Variants in PRDM6 observed in about 807,000 individuals in gnomAD.
PRDM6 encodes PR/SET domain 6, also known as putative histone-lysine N-methyltransferase PRDM6.
PRDM6 carries 25 observed loss-of-function variants against 60.8 expected under a neutral mutation model. That is an observed-to-expected ratio of 0.41 (90% CI 0.30 to 0.57). The LOEUF (loss-of-function observed/expected upper bound fraction) is 0.57. PRDM6 is among the 20% of genes least tolerant of loss of function. The pLI is 0.27. For synonymous variants in PRDM6, 407 were observed against 357.4 expected (o/e 1.14, Z -1.57); for missense variants, 839 against 821.3 (o/e 1.02, Z -0.26).
intron 3 of PRDM6, 114 bp downstream of exon 3, chr5:123,100,075 C>G: frequency 8.8e-7 from 1 of 1,134,854 alleles, no homozygotes; most frequent in Non-Finnish European, 1.2e-6. Context: ...GAGAGCCTCC[C>G]TTGGCCCCCA....
intron 5 of PRDM6, 95 bp downstream of exon 5, chr5:123,159,733 T>A (rs1765585386): frequency 1.7e-6 from 2 of 1,211,888 alleles, no homozygotes; most frequent in Non-Finnish European, 2.3e-6. Context: ...GAAACGTGGT[T>A]CACTGTAATA....
chr5:123,126,053 T>C (rs1325803558), intron 3 of PRDM6, among the ~76,000 whole-genome samples: 1 of 152,192 alleles, frequency 6.6e-6, no homozygotes, highest in East Asian at 1.9e-4. Context: ...AGTTCATTCA[T>C]GGATGAACAG....
Position 123,116,162 on chromosome 5 carries a change from C to T in PRDM6, c.900+16201C>T, listed in dbSNP as rs186580027. On this transcript the variant is annotated intron_variant, in intron 3 of 7. Transcript: ENST00000407847. ...CTGCTTGCTCAGTTCCTCTGAAGGT[C>T]GGGTGGAGCTGGCTCTTTTGACCCA... Among the ~76,000 whole-genome samples the T allele has an allele frequency of 5.4e-3, 816 of 152,264 alleles. 2 individuals are homozygous for T. The highest frequency in any genetic ancestry group is 8.9e-3 in the Non-Finnish European group (608 of 68,032).
chr5:123,141,477 G>T (rs1765099600), intron 3 of PRDM6, among the ~76,000 whole-genome samples: 2 of 152,014 alleles, frequency 1.3e-5, no homozygotes, highest in South Asian at 4.1e-4. Context: ...TTTTGTAATT[G>T]TATGTCAGGC....
intron 3 of PRDM6, among the ~76,000 whole-genome samples, chr5:123,115,905 A>G (rs1764430320): frequency 6.6e-6 from 1 of 152,132 alleles, no homozygotes; most frequent in African/African-American, 2.4e-5. Flanking sequence ...TATCCTGAGC[A>G]TATTGGATCA....
chr5:123,170,364 G>A (rs927617564), intron 5 of PRDM6, among the ~76,000 whole-genome samples: 3 of 152,156 alleles, frequency 2.0e-5, no homozygotes, highest in Non-Finnish European at 2.9e-5. Context: ...AGCTGAATCC[G>A]TTTTCTCTGC....
Position 123,139,925 on chromosome 5 carries a change from G to C in PRDM6, c.901-15959G>C, listed in dbSNP as rs139836839. Among the ~76,000 whole-genome samples, 758 of 152,120 alleles carry C rather than the reference G, an allele frequency of 5.0e-3. 7 individuals are homozygous for C. The highest frequency in any genetic ancestry group is 0.013 in the African/African-American group (526 of 41,522). On this transcript the variant is annotated intron_variant, in intron 3 of 7. Transcript: ENST00000407847. The stretch of plus-strand genomic sequence containing the variant: ...GATGCTGCAGGAAGGGCTTCTGTTT[G>C]ATATAAATGTTTTTATGATTTGTTT...
chr5:123,112,818 G>A (rs1157786783), intron 3 of PRDM6, among the ~76,000 whole-genome samples: 2 of 49,678 alleles, frequency 4.0e-5, no homozygotes, highest in Non-Finnish European at 8.0e-5. Flanking sequence ...TTGCTATGCT[G>A]TATTCTTCTT....
intron 7 of PRDM6, among the ~76,000 whole-genome samples, chr5:123,186,631 A>G (rs1766295012): frequency 6.6e-6 from 1 of 152,194 alleles, no homozygotes; most frequent in African/African-American, 2.4e-5. Context: ...TAGTTTCCAA[A>G]TTCCAAGATG....
At chr5:123,090,993 C>T (rs955042825) in intron 2 of PRDM6, among the ~76,000 whole-genome samples, 1 of 152,170 alleles carries the variant, frequency 6.6e-6, no homozygotes, top group Non-Finnish European at 1.5e-5. Flanking sequence ...GGGTCAGGCC[C>T]TGCCTGGCCT....
At chr5:123,091,985 A>G (rs912444878) in intron 2 of PRDM6, among the ~76,000 whole-genome samples, 11 of 152,262 alleles carry the variant, frequency 7.2e-5, no homozygotes, top group East Asian at 3.9e-4. Flanking sequence ...AGGTCTATGA[A>G]TATTTTCATT....
At chr5:123,127,676 C>CTTCT (rs894555304) in intron 3 of PRDM6, among the ~76,000 whole-genome samples, 2 of 151,976 alleles carry the variant, frequency 1.3e-5, no homozygotes, top group Non-Finnish European at 2.9e-5. Flanking sequence ...TAAGGGATTT[C>CTTCT]TTCTTTCTTT....
intron 3 of PRDM6, among the ~76,000 whole-genome samples, chr5:123,102,518 A>G (rs1417701971): frequency 2.0e-5 from 3 of 152,188 alleles, no homozygotes; most frequent in Non-Finnish European, 2.9e-5. Context: ...TTGTAGGTCT[A>G]TCGGAAATGT....
chr5:123,113,237 A>G (rs530579735), intron 3 of PRDM6, among the ~76,000 whole-genome samples: 4 of 152,326 alleles, frequency 2.6e-5, no homozygotes, highest in South Asian at 4.1e-4. Context: ...TGTACAGTCT[A>G]TGGATTTTGA....
intron 6 of PRDM6, among the ~76,000 whole-genome samples, chr5:123,174,294 A>G (rs962566663): frequency 1.3e-5 from 2 of 152,220 alleles, no homozygotes; most frequent in African/African-American, 4.8e-5. Flanking sequence ...ATTGATTCCA[A>G]AGATCAGCTG....
At chr5:123,159,404 G>A in intron 4 of PRDM6, 110 bp from the exon 5 acceptor site, 1 of 1,227,768 alleles carries the variant, frequency 8.1e-7, no homozygotes, top group South Asian at 1.6e-5. Context: ...ATTACAAACA[G>A]AAACTGTTTA....
chr5:123,139,226 A>G (rs1174119824), intron 3 of PRDM6, among the ~76,000 whole-genome samples: 1 of 152,234 alleles, frequency 6.6e-6, no homozygotes, highest in African/African-American at 2.4e-5. Flanking sequence ...AAACAGACTA[A>G]TATAGTACAC....
chr5:123,178,505 G>T (rs796857056), intron 6 of PRDM6, among the ~76,000 whole-genome samples: 1 of 152,242 alleles, frequency 6.6e-6, no homozygotes, highest in African/African-American at 2.4e-5. Context: ...GTTTTCAAAG[G>T]ATTATTTTAT....
intron 3 of PRDM6, among the ~76,000 whole-genome samples, chr5:123,116,943 C>G (rs1303367990): frequency 6.6e-6 from 1 of 152,210 alleles, no homozygotes; most frequent in Admixed American, 6.5e-5. Context: ...CTCTGTCTCC[C>G]AGCCAGTAAT....
Sources: gnomAD v4.1 joint callset for allele counts (sites outside exome capture counted in the v4.1 genomes callset) on GRCh38, gnomAD v4.1.1 for gene constraint, MANE v1.5 for transcripts, NCBI Gene and HGNC (gene_info 2026-07-23, HGNC 2026-07-21) for gene names.